SLC2A1: variants seen among roughly 807,000 people sequenced by gnomAD.
The protein encoded by SLC2A1 is solute carrier family 2, facilitated glucose transporter member 1.
SLC2A1 carries 4 observed loss-of-function variants against 46.6 expected under a neutral mutation model. The ratio of observed to expected loss-of-function variants is 0.09; its 90% CI spans 0.04 to 0.20. The LOEUF is 0.20. SLC2A1 is among the 10% of genes least tolerant of loss of function. The pLI, the probability that SLC2A1 is intolerant of heterozygous loss-of-function variation, is 1.00. For synonymous variants in SLC2A1, 253 were observed against 270.0 expected (o/e 0.94, Z 0.62); for missense variants, 352 against 667.0 (o/e 0.53, Z 5.20).
chr1:42,927,608 C>T lies in SLC2A1; in HGVS notation c.1275G>A (p.Val425=), dbSNP rs1404022661. The change falls in exon 9 of 10, where the codon GTG becomes GTA. Residue 425 remains valine, a synonymous_variant. Transcript: ENST00000426263. The surrounding 1 kb of genome is among the most constrained non-coding windows in gnomAD (Gnocchi z 5.3). The part of the protein sequence containing the change: ...NFIVGMCFQY[V]EQLCGPYVFI... Reference sequence around the variant, plus strand: ...TAGAGACAGTGGGGGTTCTCACCTCCACATACTGGAAGCACATGCCCACAA... The same window carrying T: ...TAGAGACAGTGGGGGTTCTCACCTCTACATACTGGAAGCACATGCCCACAA... 6 of 1,613,554 alleles carry T rather than the reference C, an allele frequency of 3.7e-6. No homozygotes were observed. The highest frequency in any genetic ancestry group is 5.1e-6 in the Non-Finnish European group (6 of 1,179,908).
chr1:42,958,299 G>C (rs552600311), intron 1 of SLC2A1, among the ~76,000 whole-genome samples: 2 of 151,352 alleles, frequency 1.3e-5, no homozygotes, highest in African/African-American at 4.8e-5. Context: ...CCGAGGTCGT[G>C]TGCGACGTGC....
At chr1:42,951,581 T>C (rs1026923253) in intron 1 of SLC2A1, 11 of 355,520 alleles carry the variant, frequency 3.1e-5, no homozygotes, top group African/African-American at 2.3e-4. Context: ...CAAAGAGAAG[T>C]CTTTAGGGTA....
At chr1:42,942,956 G>C in intron 2 of SLC2A1, 1 of 541,494 alleles carries the variant, frequency 1.8e-6, no homozygotes, top group East Asian at 3.2e-5. Flanking sequence ...ATTATTAAAT[G>C]ACTGAGTTGG....
chr1:42,949,387 C>G (rs1412620077), intron 1 of SLC2A1, among the ~76,000 whole-genome samples: 2 of 152,204 alleles, frequency 1.3e-5, no homozygotes, highest in African/African-American at 2.4e-5. Flanking sequence ...CAAACAAAAG[C>G]CAGGGTTGGG....
intron 2 of SLC2A1, among the ~76,000 whole-genome samples, chr1:42,934,618 G>C (rs1643523747): frequency 6.6e-6 from 1 of 152,064 alleles, no homozygotes; most frequent in Non-Finnish European, 1.5e-5. Flanking sequence ...GAAGTGTCTG[G>C]GTGCACCTCA....
intron 1 of SLC2A1, chr1:42,952,746 C>T (rs1434238505): frequency 5.4e-6 from 1 of 185,348 alleles, no homozygotes. Context: ...ACTGCCACAG[C>T]TGGGTGATCA....
Position 42,928,934 on chromosome 1 carries a change from G to A in SLC2A1, c.1072C>T (p.Leu358=). Residue 358 remains leucine, a splice_region_variant and synonymous_variant, in exon 8 of 10, where the codon CTG becomes TTG. Coordinates refer to ENST00000426263, the MANE Select transcript of SLC2A1 (RefSeq NM_006516.4). ...AILMTIALAL[L]EQLPWMSYLS... ...CTCTCCAGAACCTAGCAACTCACCA[G>A]CAGTGCTAGCGCGATGGTCATGAGT... The A allele has an allele frequency of 6.2e-7, 1 of 1,613,126 alleles. No homozygotes were observed.
intron 2 of SLC2A1, among the ~76,000 whole-genome samples, chr1:42,933,021 C>T (rs1269969464): frequency 1.3e-5 from 2 of 152,196 alleles, no homozygotes; most frequent in Non-Finnish European, 2.9e-5. Context: ...CTAGCTCCAC[C>T]CCTTATTTCC....
At position 42,927,953 on chromosome 1, in the gene SLC2A1, T is replaced by C. The variant is rs1440232771; in HGVS notation, c.1075-145A>G. The C allele has an allele frequency of 1.4e-6, 1 of 724,900 alleles. No homozygotes were observed. The highest frequency in any genetic ancestry group is 2.7e-5 in the East Asian group (1 of 37,142). The allele number at this position is 724,900 out of a possible 1,614,324, so 44.9% of individuals were successfully genotyped here. The stretch of plus-strand genomic sequence containing the variant: ...TCCTGGATTTGTTGTGTATCCAGCA[T>C]TGGGCCTAAGTTTCCTCATCCGAAC... On this transcript the variant is annotated intron_variant, in intron 8 of 9. Coordinates refer to ENST00000426263, the MANE Select transcript of SLC2A1 (RefSeq NM_006516.4). This position sits in a 1 kb window ranked among gnomAD's most constrained non-coding sequence, Gnocchi z 5.3.
chr1:42,927,425 C>G lies in SLC2A1; in HGVS notation c.1278+180G>C, dbSNP rs1342234646. On this transcript the variant is annotated intron_variant, in intron 9 of 9. Coordinates refer to ENST00000426263, the MANE Select transcript of SLC2A1 (RefSeq NM_006516.4). This position sits in a 1 kb window ranked among gnomAD's most constrained non-coding sequence, Gnocchi z 5.3. ...AGAATGTAACAGGCTCCAGGAGCAC[C>G]ATTCAAGGCTAAGGGGAGAACCCTG... 6.6e-6 allele frequency among the ~76,000 whole-genome samples: 1 copy of G among 152,206 alleles called. No homozygotes were observed. The highest frequency in any genetic ancestry group is 1.5e-5 in the Non-Finnish European group (1 of 68,036).
rs1245866511 is a variant in SLC2A1 at position 42,929,439 on chromosome 1, A to T, written c.868-125T>A. The T allele has an allele frequency of 5.7e-6, 6 of 1,050,690 alleles. No homozygotes were observed. The highest frequency in any genetic ancestry group is 1.3e-5 in the South Asian group (1 of 75,172). 65.1% of individuals were successfully genotyped at this position (1,050,690 alleles called of 1,614,324 possible). A position where few individuals can be genotyped will look rare whatever the true frequency, so the allele number is the denominator to read the frequency against. On this transcript the variant is annotated intron_variant, in intron 6 of 9. Coordinates refer to ENST00000426263, the MANE Select transcript of SLC2A1 (RefSeq NM_006516.4). This position sits in a 1 kb window ranked among gnomAD's most constrained non-coding sequence, Gnocchi z 6.0. ...GGGGACAAATACTCAGGCAGAAGGG[A>T]CACTGCACTGCAGTGACCTTACGGG...
intron 2 of SLC2A1, among the ~76,000 whole-genome samples, chr1:42,935,204 A>T (rs1236239429): frequency 1.3e-5 from 2 of 152,036 alleles, no homozygotes; most frequent in African/African-American, 4.8e-5. Flanking sequence ...AGCCTAGAGG[A>T]CACCCACCAT....
intron 2 of SLC2A1, among the ~76,000 whole-genome samples, chr1:42,940,975 C>T (rs1643591807): frequency 6.6e-6 from 1 of 152,210 alleles, no homozygotes. Context: ...TCAAACCACA[C>T]ATCACCCATG....
chr1:42,958,690 G>A lies in SLC2A1; in HGVS notation c.-39C>T. On this transcript the variant is annotated 5_prime_UTR_variant, in exon 1 of 10. Coordinates refer to ENST00000426263, the MANE Select transcript of SLC2A1 (RefSeq NM_006516.4). ...TGGTGGCTCTGGCTGCGCCGGGTACGCGGGTGGCGACGGGCGTGCGAGCGG... is the reference window on the plus strand; with the variant it reads ...TGGTGGCTCTGGCTGCGCCGGGTACACGGGTGGCGACGGGCGTGCGAGCGG... 2 of 1,533,316 alleles carry A rather than the reference G, an allele frequency of 1.3e-6. No homozygotes were observed. The highest frequency in any genetic ancestry group is 1.7e-6 in the Non-Finnish European group (2 of 1,143,868). 95.0% of individuals were successfully genotyped at this position (1,533,316 alleles called of 1,614,324 possible). A position where few individuals can be genotyped will look rare whatever the true frequency, so the allele number is the denominator to read the frequency against.
chr1:42,933,478 C>T (rs758963086), intron 2 of SLC2A1, among the ~76,000 whole-genome samples: 1 of 152,158 alleles, frequency 6.6e-6, no homozygotes, highest in African/African-American at 2.4e-5. Flanking sequence ...AGAGCCAGTG[C>T]CAGGGATACC....
intron 2 of SLC2A1, among the ~76,000 whole-genome samples, chr1:42,931,601 A>C (rs1276740913): frequency 6.6e-6 from 1 of 152,000 alleles, no homozygotes; most frequent in Admixed American, 6.6e-5. Context: ...CAAGGCAAGC[A>C]GATCACTGGA....
intron 1 of SLC2A1, 73 bp from the exon 2 acceptor site, chr1:42,943,394 C>G: frequency 9.1e-7 from 1 of 1,100,416 alleles, no homozygotes. Flanking sequence ...CCTGGACTGG[C>G]AAGTTTCTGT....
At chr1:42,947,099 T>C (rs932301436) in intron 1 of SLC2A1, among the ~76,000 whole-genome samples, 8 of 152,206 alleles carry the variant, frequency 5.3e-5, no homozygotes, top group Admixed American at 2.6e-4. Flanking sequence ...CTCAGCACCA[T>C]CTGCCCCCAC....
At chr1:42,939,056 G>C (rs115956671) in intron 2 of SLC2A1, among the ~76,000 whole-genome samples, 3 of 152,230 alleles carry the variant, frequency 2.0e-5, no homozygotes, top group African/African-American at 7.2e-5. Flanking sequence ...GTCTAGGACC[G>C]CATCTGGCAC....
Sources: gnomAD v4.1 joint callset for allele counts (sites outside exome capture counted in the v4.1 genomes callset) on GRCh38, gnomAD v4.1.1 for gene constraint, Gnocchi (gnomAD v3.1) non-coding constraint, MANE v1.5 for transcripts, NCBI Gene and HGNC (gene_info 2026-07-23, HGNC 2026-07-21) for gene names.